Variants in AMOTL1 observed in about 807,000 individuals in gnomAD.
The protein encoded by AMOTL1 is angiomotin-like protein 1.
AMOTL1 carries 45 observed loss-of-function variants against 102.9 expected under a neutral mutation model. The ratio of observed to expected loss-of-function variants is 0.44; its 90% CI spans 0.34 to 0.56. The LOEUF is 0.56. AMOTL1 is among the 20% of genes least tolerant of loss of function. The pLI is 0.01. For synonymous variants in AMOTL1, 481 were observed against 484.7 expected (o/e 0.99, Z 0.10); for missense variants, 1,114 against 1,225.6 (o/e 0.91, Z 1.36).
intron 6 of AMOTL1, among the ~76,000 whole-genome samples, chr11:94,839,063 G>T (rs1444131510): frequency 6.6e-6 from 1 of 152,198 alleles, no homozygotes; most frequent in Non-Finnish European, 1.5e-5. Context: ...TACAAGTGTG[G>T]TTACCAGTAA....
intron 1 of AMOTL1, among the ~76,000 whole-genome samples, chr11:94,794,699 C>T (rs774755352): frequency 1.1e-4 from 16 of 152,286 alleles, no homozygotes; most frequent in East Asian, 1.9e-4. Flanking sequence ...CATTCAGTCC[C>T]GCAGAGGACT....
intron 3 of AMOTL1, among the ~76,000 whole-genome samples, chr11:94,747,630 TAGTC>T (rs1171364821): frequency 2.0e-5 from 3 of 152,334 alleles, no homozygotes; most frequent in African/African-American, 7.2e-5. Context: ...GTTTATGCCT[TAGTC>T]AGGATAGGCT....
intron 1 of AMOTL1, 40 bp downstream of exon 1, chr11:94,768,600 G>A: frequency 1.3e-6 from 2 of 1,568,624 alleles, no homozygotes; most frequent in South Asian, 2.4e-5. Flanking sequence ...GGGCGTCTCC[G>A]AGTCTCCCAC....
At chr11:94,865,716 G>C (rs1343739327) in intron 10 of AMOTL1, among the ~76,000 whole-genome samples, 1 of 152,076 alleles carries the variant, frequency 6.6e-6, no homozygotes, top group African/African-American at 2.4e-5. Flanking sequence ...ACTGTACCTC[G>C]CTGAAGTCCC....
intron 3 of AMOTL1, among the ~76,000 whole-genome samples, chr11:94,758,697 A>G (rs1324001685): frequency 6.6e-6 from 1 of 152,240 alleles, no homozygotes; most frequent in Non-Finnish European, 1.5e-5. Flanking sequence ...GGATTTCCGT[A>G]TACTCTGCAA....
At chr11:94,868,260 G>C (rs1314305069) in intron 11 of AMOTL1, among the ~76,000 whole-genome samples, 1 of 152,222 alleles carries the variant, frequency 6.6e-6, no homozygotes, top group African/African-American at 2.4e-5. Context: ...ATGAATTGCT[G>C]GCTATCTAAC....
At position 94,711,874 on chromosome 11, in the gene AMOTL1, T is replaced by C. The variant is rs545213246; in HGVS notation, c.-51+5277T>C. ...GGACATTTGGGTAGTTTCTAATATT[T>C]GGCTGTTACAAATAAAGATGCTATG... is the stretch of plus-strand genomic sequence containing the variant. On this transcript the variant is annotated intron_variant, in intron 1 of 4. Coordinates refer to the AMOTL1 transcript ENST00000299004. Among the ~76,000 whole-genome samples the C allele has an allele frequency of 7.9e-5, 12 of 152,240 alleles. No individual in the cohort carries two copies. In the East Asian group the frequency reaches 2.1e-3, roughly 27 times the overall value.
At chr11:94,750,628 C>G (rs1042269174) in intron 3 of AMOTL1, among the ~76,000 whole-genome samples, 1 of 152,188 alleles carries the variant, frequency 6.6e-6, no homozygotes, top group Non-Finnish European at 1.5e-5. Flanking sequence ...GTGATGTACC[C>G]TAGATCTCTC....
chr11:94,839,042 A>G (rs1261774160), intron 6 of AMOTL1, among the ~76,000 whole-genome samples: 1 of 152,206 alleles, frequency 6.6e-6, no homozygotes, highest in African/African-American at 2.4e-5. Context: ...TTTGGAGAGT[A>G]CCTTAAAGGT....
chr11:94,794,733 A>G (rs1278003545), intron 1 of AMOTL1, among the ~76,000 whole-genome samples: 7 of 152,078 alleles, frequency 4.6e-5, no homozygotes, highest in Admixed American at 4.6e-4. Flanking sequence ...TGCTGCTGCA[A>G]CCCTTGGAAC....
chr11:94,750,108 A>C (rs1346135294), intron 3 of AMOTL1, among the ~76,000 whole-genome samples: 1 of 152,100 alleles, frequency 6.6e-6, no homozygotes, highest in Non-Finnish European at 1.5e-5. Flanking sequence ...TGGTACCCCC[A>C]AATATAACAA....
At chr11:94,864,640 C>T in intron 9 of AMOTL1, 95 bp from the exon 10 acceptor site, 1 of 1,511,772 alleles carries the variant, frequency 6.6e-7, no homozygotes, top group Admixed American at 1.9e-5. Flanking sequence ...ATCTCTGTTC[C>T]AGCATGAACA....
chr11:94,789,955 C>A (rs765205822), intron 1 of AMOTL1, among the ~76,000 whole-genome samples: 3 of 152,180 alleles, frequency 2.0e-5, no homozygotes, highest in Non-Finnish European at 2.9e-5. Flanking sequence ...GGTGACATAA[C>A]ACCTGGGAGT....
intron 1 of AMOTL1, among the ~76,000 whole-genome samples, chr11:94,793,263 T>C (rs938229388): frequency 6.6e-6 from 1 of 152,168 alleles, no homozygotes; most frequent in African/African-American, 2.4e-5. Flanking sequence ...GCATATGGGC[T>C]CTCAACTCCT....
chr11:94,834,336 C>T (rs1952130521), intron 6 of AMOTL1, among the ~76,000 whole-genome samples: 2 of 152,058 alleles, frequency 1.3e-5, no homozygotes. Context: ...GCCTGTAATC[C>T]CAGCACTTTG....
At chr11:94,766,127 G>A (rs921589837), upstream of AMOTL1, among the ~76,000 whole-genome samples, 2 of 152,132 alleles carry the variant, frequency 1.3e-5, no homozygotes, top group African/African-American at 4.8e-5. Context: ...ATAAAATCTT[G>A]CTTCAAAGAT....
At chr11:94,808,025 G>A (rs928311134) in intron 3 of AMOTL1, among the ~76,000 whole-genome samples, 1 of 122,944 alleles carries the variant, frequency 8.1e-6, no homozygotes, top group African/African-American at 3.2e-5. Context: ...GGGAAAAGTC[G>A]AGCTGGAAAC....
chr11:94,827,679 G>A (rs529955346), intron 4 of AMOTL1, among the ~76,000 whole-genome samples: 1 of 152,246 alleles, frequency 6.6e-6, no homozygotes, highest in South Asian at 2.1e-4. Flanking sequence ...GGAGGCCTTT[G>A]GGAACATAAG....
At chr11:94,780,614 G>C (rs1358002696) in intron 1 of AMOTL1, among the ~76,000 whole-genome samples, 1 of 152,114 alleles carries the variant, frequency 6.6e-6, no homozygotes, top group African/African-American at 2.4e-5. Flanking sequence ...AACTTTACGG[G>C]GGTGATTCCT....
Sources: gnomAD v4.1 joint callset for allele counts (sites outside exome capture counted in the v4.1 genomes callset) on GRCh38, gnomAD v4.1.1 for gene constraint, MANE v1.5 for transcripts, NCBI Gene and HGNC (gene_info 2026-07-23, HGNC 2026-07-21) for gene names.